SMIM35: variants seen among roughly 807,000 people sequenced by gnomAD.
SMIM35 encodes small integral membrane protein 35.
chr11:118,024,959 T>C (rs889161035), intron 1 of SMIM35, among the ~76,000 whole-genome samples: 1 of 148,440 alleles, frequency 6.7e-6, no homozygotes, highest in African/African-American at 2.5e-5. Flanking sequence ...CCAGTGTCTA[T>C]TTTTCCCTGT....
intron 1 of SMIM35, among the ~76,000 whole-genome samples, chr11:118,027,632 CTT>C (rs2058285254): frequency 6.6e-6 from 1 of 152,222 alleles, no homozygotes; most frequent in Admixed American, 6.5e-5. Context: ...TGTGGAGCTT[CTT>C]TATGTTAGCA....
intron 4 of SMIM35, among the ~76,000 whole-genome samples, chr11:118,011,167 C>T (rs1401552043): frequency 6.6e-6 from 1 of 152,194 alleles, no homozygotes; most frequent in Admixed American, 6.5e-5. Context: ...AGTATCAGTT[C>T]TGCTCCCGAG....
chr11:118,034,020 C>T lies in SMIM35; in HGVS notation c.8-18211G>A, dbSNP rs565077477. Among the ~76,000 whole-genome samples, 120 of 152,334 alleles carry T rather than the reference C, an allele frequency of 7.9e-4. 1 individual carries two copies. The highest frequency in any genetic ancestry group is 1.5e-3 in the Non-Finnish European group (105 of 68,038). On this transcript the variant is annotated intron_variant, in intron 1 of 4. Coordinates refer to ENST00000689828, the MANE Select transcript of SMIM35 (RefSeq NM_001394165.1). ...CAGTGTCTCACTCCTGTAATCCCTA[C>T]ACTTTGGGAGGCCGAGGCGGGCAGA...
chr11:118,012,213 C>T (rs894042873), intron 4 of SMIM35, among the ~76,000 whole-genome samples: 1 of 152,222 alleles, frequency 6.6e-6, no homozygotes, highest in African/African-American at 2.4e-5. Flanking sequence ...AGGCTCCCTT[C>T]TCTTGCCCTA....
chr11:118,041,773 G>A (rs751387844), intron 1 of SMIM35, among the ~76,000 whole-genome samples: 9 of 152,004 alleles, frequency 5.9e-5, no homozygotes, highest in Non-Finnish European at 1.2e-4. Flanking sequence ...AACACAGGCC[G>A]GGCACAGTGG....
chr11:118,027,240 G>T, intron 1 of SMIM35, among the ~76,000 whole-genome samples: 1 of 148,042 alleles, frequency 6.8e-6, no homozygotes, highest in Non-Finnish European at 1.5e-5. Context: ...TGTTAGCCAG[G>T]ATGGTCTCGA....
chr11:118,013,608 G>C (rs923352452), intron 4 of SMIM35, 140 bp downstream of exon 4: 2 of 387,044 alleles, frequency 5.2e-6, no homozygotes, highest in Non-Finnish European at 9.1e-6. Context: ...GCCTGAGATC[G>C]GCACCAGAAG....
intron 1 of SMIM35, among the ~76,000 whole-genome samples, chr11:118,031,174 G>T (rs964743462): frequency 1.3e-5 from 2 of 152,132 alleles, no homozygotes; most frequent in African/African-American, 2.4e-5. Context: ...TGAAGTTATT[G>T]GTGTGAACTA....
chr11:118,024,503 C>T (rs543957432), intron 1 of SMIM35, among the ~76,000 whole-genome samples: 39 of 152,088 alleles, frequency 2.6e-4, no homozygotes, highest in Admixed American at 2.0e-3. Flanking sequence ...GGCAGAGTCT[C>T]GCTCTGTTAT....
At chr11:118,053,707 G>C (rs1944260220) in intron 1 of SMIM35, among the ~76,000 whole-genome samples, 1 of 152,128 alleles carries the variant, frequency 6.6e-6, no homozygotes, top group African/African-American at 2.4e-5. Context: ...TCACTTGGAG[G>C]CTCAAGTCCT....
In SMIM35 at chr11:118,024,952, G is replaced by A. The variant is rs117490330; in HGVS notation, c.8-9143C>T. Among the ~76,000 whole-genome samples, 1,159 of 149,512 alleles carry A rather than the reference G, an allele frequency of 7.8e-3. 6 individuals are homozygous for A. The highest frequency in any genetic ancestry group is 0.012 in the Non-Finnish European group (831 of 67,080). ...TCTCTCCCCGATCTAGTGGTCCCCA[G>A]TGTCTATTTTTCCCTGTCCATATGT... On this transcript the variant is annotated intron_variant, in intron 1 of 4. Transcript: ENST00000689828.
At chr11:118,067,112 T>C (rs978082031) in intron 1 of SMIM35, 2 of 151,730 alleles carry the variant, frequency 1.3e-5, no homozygotes, top group African/African-American at 4.8e-5. Context: ...TCACAGACCA[T>C]GTGTAAACAT....
At chr11:118,047,813 C>A (rs2098160817) in intron 1 of SMIM35, among the ~76,000 whole-genome samples, 1 of 152,232 alleles carries the variant, frequency 6.6e-6, no homozygotes, top group East Asian at 1.9e-4. Flanking sequence ...CTTCTGTGGG[C>A]TGGGGATCTC....
intron 1 of SMIM35, among the ~76,000 whole-genome samples, chr11:118,076,026 G>T (rs1290576359): frequency 1.3e-5 from 2 of 152,244 alleles, no homozygotes; most frequent in Non-Finnish European, 2.9e-5. Flanking sequence ...ACAGCACTTT[G>T]GGAGGCTGAG....
chr11:118,015,871 GT>G, intron 1 of SMIM35, 62 bp from the exon 2 acceptor site: 1 of 399,282 alleles, frequency 2.5e-6, no homozygotes, highest in Non-Finnish European at 4.4e-6. Flanking sequence ...CCTGCACCAC[GT>G]TCCAAAGTTC....
chr11:118,051,289 C>G (rs544870119), intron 1 of SMIM35, among the ~76,000 whole-genome samples: 1 of 152,342 alleles, frequency 6.6e-6, no homozygotes, highest in East Asian at 1.9e-4. Context: ...ACAGCTTGCT[C>G]ACCCACCCCT....
intron 4 of SMIM35, among the ~76,000 whole-genome samples, chr11:118,007,676 G>T (rs766151929): frequency 2.0e-5 from 3 of 152,026 alleles, no homozygotes; most frequent in Non-Finnish European, 4.4e-5. Flanking sequence ...TTATAGGTGT[G>T]AGCCACTGTG....
chr11:118,036,387 A>C (rs1164549413), intron 1 of SMIM35, among the ~76,000 whole-genome samples: 4 of 152,240 alleles, frequency 2.6e-5, no homozygotes, highest in Non-Finnish European at 5.9e-5. Context: ...GTTTATAATA[A>C]AAATATAAAT....
intron 1 of SMIM35, among the ~76,000 whole-genome samples, chr11:118,084,943 C>T (rs989038468): frequency 5.9e-5 from 9 of 152,172 alleles, no homozygotes; most frequent in African/African-American, 2.2e-4. Flanking sequence ...CCCTTCTGAT[C>T]AAGGCAGCTG....
Sources: allele counts gnomAD v4.1 joint callset (sites outside exome capture counted in the v4.1 genomes callset), GRCh38; gene constraint gnomAD v4.1.1; transcripts MANE v1.5; gene names NCBI Gene and HGNC (gene_info 2026-07-23, HGNC 2026-07-21).